ACOT7: variants seen among roughly 807,000 people sequenced by gnomAD.
ACOT7 encodes the protein acyl-CoA thioesterase 7.
Under a neutral mutation model 40.2 loss-of-function variants are expected in ACOT7, and 12 were observed. That is an observed-to-expected ratio of 0.30 (90% confidence interval 0.19 to 0.48). The LOEUF (loss-of-function observed/expected upper bound fraction) is 0.48. ACOT7 is among the 20% of genes least tolerant of loss of function. The pLI is 0.99. For synonymous variants in ACOT7, 228 were observed against 219.5 expected (o/e 1.04, Z -0.34); for missense variants, 395 against 530.8 (o/e 0.74, Z 2.51).
chr1:6,362,953 G>A (rs574760598), intron 1 of ACOT7, among the ~76,000 whole-genome samples: 4 of 152,216 alleles, frequency 2.6e-5, no homozygotes, highest in South Asian at 2.1e-4. Flanking sequence ...TCCAGGTGCC[G>A]AGGCAAGAGA....
Position 6,355,507 on chromosome 1 carries a change from G to A in ACOT7, c.144-5641C>T, listed in dbSNP as rs1321154599. On this transcript the variant is annotated intron_variant, in intron 1 of 8. Coordinates refer to ENST00000361521, the MANE Select transcript of ACOT7 (RefSeq NM_007274.4). This position sits in a 1 kb window ranked among gnomAD's most constrained non-coding sequence, Gnocchi z 5.0. ...GTCAGGTGAAAAACAGCAAGGCACA[G>A]AGCCATGGGAGCAAGGTGACCACCT... Among the ~76,000 whole-genome samples, 1 of 152,186 alleles carries A rather than the reference G, an allele frequency of 6.6e-6. No homozygotes were observed. The highest frequency in any genetic ancestry group is 1.5e-5 in the Non-Finnish European group (1 of 68,032).
At chr1:6,325,608 C>T (rs982160211) in intron 5 of ACOT7, among the ~76,000 whole-genome samples, 2 of 152,072 alleles carry the variant, frequency 1.3e-5, no homozygotes, top group Non-Finnish European at 2.9e-5. Context: ...ACAACCAGTC[C>T]GCTTTTGGCA....
At position 6,313,953 on chromosome 1, in the gene ACOT7, T is replaced by C. The variant is rs940145375; in HGVS notation, c.712+4539A>G. 1.4e-4 allele frequency among the ~76,000 whole-genome samples: 22 copies of C among 151,914 alleles called. No homozygotes were observed. The South Asian group carries it at 1.7e-3, about 11-fold the overall frequency. On this transcript the variant is annotated intron_variant, in intron 6 of 8. Transcript: ENST00000361521. ...CCACCAAAACCAGCAAAGAGAAAAATTGAAGATCCATGAATCCTGGCATCC... is the reference window on the plus strand; with the variant it reads ...CCACCAAAACCAGCAAAGAGAAAAACTGAAGATCCATGAATCCTGGCATCC...
chr1:6,354,583 G>A (rs2148460158), intron 1 of ACOT7, among the ~76,000 whole-genome samples: 1 of 152,258 alleles, frequency 6.6e-6, no homozygotes, highest in South Asian at 2.1e-4. Flanking sequence ...ATCAGACACT[G>A]TTTGGGGAGG....
rs1639387589 is a variant in ACOT7, at chr1:6,282,618, C to T, written c.830-1332G>A. On this transcript the variant is annotated intron_variant, in intron 7 of 8. Coordinates refer to ENST00000361521, the MANE Select transcript of ACOT7 (RefSeq NM_007274.4). This position sits in a 1 kb window ranked among gnomAD's most constrained non-coding sequence, Gnocchi z 4.5. ...TTAGAGACCCAGAGTGAGAAAGCGGCCAGGTGGTGGCTGTTGGAGGGCGGT... is the reference window on the plus strand; with the variant it reads ...TTAGAGACCCAGAGTGAGAAAGCGGTCAGGTGGTGGCTGTTGGAGGGCGGT... 6 of 879,342 alleles carry T rather than the reference C, an allele frequency of 6.8e-6. No homozygotes were observed. The Admixed American group carries it at 1.4e-4, about 21-fold the overall frequency. 54.5% of individuals were successfully genotyped at this position (879,342 alleles called of 1,614,324 possible).
At position 6,299,211 on chromosome 1, in the gene ACOT7, G is replaced by A; in HGVS notation, c.713-4231C>T. Among the ~76,000 whole-genome samples, 1 of 152,246 alleles carries A rather than the reference G, an allele frequency of 6.6e-6. No individual in the cohort carries two copies. The highest frequency in any genetic ancestry group is 1.9e-4 in the East Asian group (1 of 5,194). On this transcript the variant is annotated intron_variant, in intron 6 of 8. Coordinates refer to ENST00000361521, the MANE Select transcript of ACOT7 (RefSeq NM_007274.4). This position sits in a 1 kb window ranked among gnomAD's most constrained non-coding sequence, Gnocchi z 4.1. ...GGAGGTGACGGCGCCCACAGGCAAG[G>A]TGACTGAGGAGCAAATGGGATGACC...
intron 3 of ACOT7, among the ~76,000 whole-genome samples, chr1:6,337,871 A>T (rs918334999): frequency 1.3e-5 from 2 of 152,046 alleles, no homozygotes; most frequent in African/African-American, 4.8e-5. Flanking sequence ...GCTACTCAGG[A>T]GGCTGAAGCA....
rs921848904 is a variant in ACOT7 at position 6,282,742 on chromosome 1, G to A, written c.830-1456C>T. 2 of 1,304,160 alleles carry A rather than the reference G, an allele frequency of 1.5e-6. No individual in the cohort carries two copies. The highest frequency in any genetic ancestry group is 1.0e-6 in the Non-Finnish European group (1 of 988,966). The allele number at this position is 1,304,160 out of a possible 1,614,324, so 80.8% of individuals were successfully genotyped here. ...TACTTACAGGGAGCACTTCGTGCCA[G>A]TGCTGGGAGAGGAGGAAGGAGCTGT... On this transcript the variant is annotated intron_variant, in intron 7 of 8. Transcript: ENST00000361521. This position sits in a 1 kb window ranked among gnomAD's most constrained non-coding sequence, Gnocchi z 4.5.
chr1:6,336,085 G>T (rs570653032), intron 3 of ACOT7, among the ~76,000 whole-genome samples: 1 of 152,268 alleles, frequency 6.6e-6, no homozygotes, highest in South Asian at 2.1e-4. Context: ...GGTGGCTTAC[G>T]CCTGTAATCC....
chr1:6,323,308 G>A (rs1340549408), intron 5 of ACOT7, among the ~76,000 whole-genome samples: 2 of 152,126 alleles, frequency 1.3e-5, no homozygotes, highest in South Asian at 2.1e-4. Flanking sequence ...CAGTCATTTC[G>A]TGGCCCAGTG....
At chr1:6,277,689 C>T (rs1002611128) in intron 8 of ACOT7, among the ~76,000 whole-genome samples, 3 of 152,268 alleles carry the variant, frequency 2.0e-5, no homozygotes, top group African/African-American at 4.8e-5. Flanking sequence ...TCCAGGCCTC[C>T]GCTGAGGCTT....
chr1:6,351,163 C>A (rs1641580129), intron 1 of ACOT7, among the ~76,000 whole-genome samples: 1 of 152,214 alleles, frequency 6.6e-6, no homozygotes, highest in Admixed American at 6.5e-5. Context: ...CAACCCATAG[C>A]TGCCCATCCC....
rs907333764 is a variant in ACOT7 at position 6,339,665 on chromosome 1, G to A, written c.262-76C>T. On this transcript the variant is annotated intron_variant, in intron 2 of 8. Coordinates refer to ENST00000361521, the MANE Select transcript of ACOT7 (RefSeq NM_007274.4). ...GAGCCCCACCCAGGACATGCCCCCT[G>A]GAAACGGTCTTTGCCTTTGCTTTCA... is the stretch of plus-strand genomic sequence containing the variant. 4.9e-5 allele frequency: 76 copies of A among 1,543,458 alleles called. No homozygotes were observed. In the Admixed American group the frequency reaches 8.6e-4, roughly 18 times the overall value.
At chr1:6,387,950 T>C (rs75284094) in intron 1 of ACOT7, among the ~76,000 whole-genome samples, 1 of 151,628 alleles carries the variant, frequency 6.6e-6, no homozygotes, top group Non-Finnish European at 1.5e-5. Context: ...TTTTTTTTCT[T>C]TTTTTTTGAG....
chr1:6,341,608 G>C (rs1267057284), intron 2 of ACOT7, among the ~76,000 whole-genome samples: 2 of 152,188 alleles, frequency 1.3e-5, no homozygotes, highest in African/African-American at 4.8e-5. Context: ...CGGGTGTGGT[G>C]GTGGGTGCCT....
Position 6,385,615 on chromosome 1 carries a change from A to G in ACOT7, c.143+7642T>C. ...TGGCCAGCCACCAGCCTCCTGGAAGATGCCTGCCTCCCAAACTCACAGAGC... is the reference window on the plus strand; with the variant it reads ...TGGCCAGCCACCAGCCTCCTGGAAGGTGCCTGCCTCCCAAACTCACAGAGC... On this transcript the variant is annotated intron_variant, in intron 1 of 8. Transcript: ENST00000361521. 5 of 1,612,344 alleles carry G rather than the reference A, an allele frequency of 3.1e-6. 1 individual carries two copies. Among genetic ancestry groups the G allele is most frequent in the Non-Finnish European group, 4.2e-6 (5 of 1,179,248 alleles).
chr1:6,362,661 C>T (rs774501016), intron 1 of ACOT7, among the ~76,000 whole-genome samples: 4 of 152,164 alleles, frequency 2.6e-5, no homozygotes, highest in Non-Finnish European at 5.9e-5. Context: ...CTCTCCCCAA[C>T]CGAAACTCAC....
At chr1:6,365,814 G>C (rs1419235939) in intron 1 of ACOT7, among the ~76,000 whole-genome samples, 1 of 151,708 alleles carries the variant, frequency 6.6e-6, no homozygotes, top group East Asian at 1.9e-4. Flanking sequence ...ACAATCATCT[G>C]AGCCTTCAGT....
Position 6,311,160 on chromosome 1 carries a change from C to G in ACOT7, c.712+7332G>C, listed in dbSNP as rs1368732550. Reference sequence around the variant, plus strand: ...CCTGTGCTTCCCAGTACCATGGGAGCTGAGCAAGCTCTCCCGATGAGGATA... The same window carrying G: ...CCTGTGCTTCCCAGTACCATGGGAGGTGAGCAAGCTCTCCCGATGAGGATA... On this transcript the variant is annotated intron_variant, in intron 6 of 8. Coordinates refer to ENST00000361521, the MANE Select transcript of ACOT7 (RefSeq NM_007274.4). The surrounding 1 kb of genome is among the most constrained non-coding windows in gnomAD (Gnocchi z 5.2). 6.6e-6 allele frequency among the ~76,000 whole-genome samples: 1 copy of G among 152,216 alleles called. No individual in the cohort carries two copies. The highest frequency in any genetic ancestry group is 6.5e-5 in the Admixed American group (1 of 15,280).
Sources: gnomAD v4.1 joint callset for allele counts (sites outside exome capture counted in the v4.1 genomes callset) on GRCh38, gnomAD v4.1.1 for gene constraint, Gnocchi (gnomAD v3.1) non-coding constraint, MANE v1.5 for transcripts, NCBI Gene and HGNC (gene_info 2026-07-23, HGNC 2026-07-21) for gene names.